PPP2R2D: variants seen among roughly 807,000 people sequenced by gnomAD.
PPP2R2D encodes protein phosphatase 2 regulatory subunit Bdelta.
A neutral mutation model predicts 31.1 loss-of-function variants in PPP2R2D; 9 were observed. The observed-to-expected ratio is 0.29, with a 90% CI of 0.17 to 0.51. The LOEUF (loss-of-function observed/expected upper bound fraction) is 0.51. PPP2R2D is among the 20% of genes least tolerant of loss of function. The pLI is 0.98. For synonymous variants in PPP2R2D, 179 were observed against 172.6 expected, an observed-to-expected ratio of 1.04 and a Z score of -0.29; for missense variants, 391 against 465.6, an observed-to-expected ratio of 0.84 and a Z score of 1.48.
At chr10:131,935,209 A>G (rs1489561420) in intron 3 of PPP2R2D, among the ~76,000 whole-genome samples, 4 of 152,226 alleles carry the variant, frequency 2.6e-5, no homozygotes, top group Non-Finnish European at 4.4e-5. Flanking sequence ...CCTAATGAGC[A>G]GTGATAAAGG....
Position 131,959,239 on chromosome 10 carries a change from C to G in PPP2R2D, c.*3276C>G, listed in dbSNP as rs2036882349. 2 of 164,998 alleles carry G rather than the reference C, an allele frequency of 1.2e-5. No homozygotes were observed. Among genetic ancestry groups the G allele is most frequent in the Non-Finnish European group, 1.2e-5 (1 of 83,248 alleles). 10.2% of individuals were successfully genotyped at this position (164,998 alleles called of 1,614,324 possible). A position where few individuals can be genotyped will look rare whatever the true frequency, so the allele number is the denominator to read the frequency against. On this transcript the variant is annotated 3_prime_UTR_variant, in exon 9 of 9. Transcript: ENST00000455566. ...TGGAGATGAAGGCGTGTGCTGATCCCCCGTCCCCCTGTGGAGATGAAGGCG... is the reference window on the plus strand; with the variant it reads ...TGGAGATGAAGGCGTGTGCTGATCCGCCGTCCCCCTGTGGAGATGAAGGCG...
chr10:131,924,846 G>C (rs568097507), intron 2 of PPP2R2D, among the ~76,000 whole-genome samples: 9 of 150,830 alleles, frequency 6.0e-5, no homozygotes, highest in Non-Finnish European at 1.2e-4. Context: ...ACAATATTTT[G>C]CAGTTTTCAA....
At chr10:131,935,335 C>T (rs2036319116) in intron 3 of PPP2R2D, among the ~76,000 whole-genome samples, 1 of 152,202 alleles carries the variant, frequency 6.6e-6, no homozygotes. Context: ...CAGTCCCTTG[C>T]CCTTCCTGTC....
chr10:131,946,438 G>A (rs769536678), intron 7 of PPP2R2D, among the ~76,000 whole-genome samples: 5 of 152,210 alleles, frequency 3.3e-5, no homozygotes, highest in East Asian at 3.9e-4. Flanking sequence ...CATGTGCAGC[G>A]GCGCCCCCAG....
rs73387234 is a variant in PPP2R2D, at chr10:131,916,033, G to C, written c.100+14703G>C. Among the ~76,000 whole-genome samples the C allele has an allele frequency of 3.1e-3, 469 of 152,280 alleles. 5 individuals are homozygous for C. The highest frequency in any genetic ancestry group is 0.011 in the African/African-American group (442 of 41,558). On this transcript the variant is annotated intron_variant, in intron 2 of 8. Coordinates refer to ENST00000455566, the MANE Select transcript of PPP2R2D (RefSeq NM_018461.5). Reference sequence around the variant, plus strand: ...AAGGTATCAGCATACGGCTTTCTGTGTACGCCCTAAAGTACTGATCACAGT... The same window carrying C: ...AAGGTATCAGCATACGGCTTTCTGTCTACGCCCTAAAGTACTGATCACAGT...
the PPP2R2D span, chr10:131,970,881 C>T: frequency 2.8e-5 from 45 of 1,614,120 alleles, no homozygotes; most frequent in East Asian, 4.5e-5. This position sits in a 1 kb window ranked among gnomAD's most constrained non-coding sequence, Gnocchi z 4.1. Context: ...GAATATTTTC[C>T]GGCCGACTTG....
the PPP2R2D span, chr10:131,970,535 A>T: frequency 6.9e-7 from 1 of 1,443,488 alleles, no homozygotes; most frequent in South Asian, 1.4e-5. This position sits in a 1 kb window ranked among gnomAD's most constrained non-coding sequence, Gnocchi z 4.1. Context: ...CCAAGCTGTA[A>T]CTGATGATCT....
At chr10:131,952,749 G>A (rs1322943488) in intron 8 of PPP2R2D, among the ~76,000 whole-genome samples, 4 of 110,546 alleles carry the variant, frequency 3.6e-5, no homozygotes, top group Non-Finnish European at 5.6e-5. Flanking sequence ...AGTGACTTGC[G>A]GGTGTGCGGG....
intron 2 of PPP2R2D, among the ~76,000 whole-genome samples, chr10:131,912,983 G>A (rs962354207): frequency 7.9e-5 from 12 of 152,124 alleles, no homozygotes; most frequent in Admixed American, 5.2e-4. Context: ...TTTTTCTGCT[G>A]AACTTAAAAA....
downstream of PPP2R2D, among the ~76,000 whole-genome samples, chr10:131,964,475 TC>T (rs1746422507): frequency 6.6e-6 from 1 of 151,786 alleles, no homozygotes; most frequent in African/African-American, 2.4e-5. Flanking sequence ...CATGCACAGC[TC>T]CGGCTCAAAC....
intron 2 of PPP2R2D, among the ~76,000 whole-genome samples, chr10:131,908,994 T>G (rs1188623177): frequency 6.6e-6 from 1 of 152,170 alleles, no homozygotes; most frequent in Non-Finnish European, 1.5e-5. Flanking sequence ...AGCAGGTGGG[T>G]CCTTGCACCA....
At chr10:131,960,192 AGTGCCCTCAACAGGCGCGGAGGAAGAC>A (rs1231588188), downstream of PPP2R2D, among the ~76,000 whole-genome samples, 9 of 152,230 alleles carry the variant, frequency 5.9e-5, 1 homozygote, top group Admixed American at 3.9e-4. Context: ...ACTTTAGAGA[AGTGCCCTCAACAGGCGCGGAGGAAGAC>A]GTGCCCTCAA....
In PPP2R2D at chr10:131,945,703, G is replaced by T. The variant is rs536952930; in HGVS notation, c.820+244G>T. 44 of 460,524 alleles carry T rather than the reference G, an allele frequency of 9.6e-5. No homozygotes were observed. Among genetic ancestry groups the T allele is most frequent in the East Asian group, 1.5e-4 (4 of 26,314 alleles). 28.5% of individuals were successfully genotyped at this position (460,524 alleles called of 1,614,324 possible). A position where few individuals can be genotyped will look rare whatever the true frequency, so the allele number is the denominator to read the frequency against. ...TGACCTCAGGTGATCCCCCTACCTCGGCCTCCCAAAGTGCTGGGATTACAG... is the reference window on the plus strand; with the variant it reads ...TGACCTCAGGTGATCCCCCTACCTCTGCCTCCCAAAGTGCTGGGATTACAG... On this transcript the variant is annotated intron_variant, in intron 7 of 8. Transcript: ENST00000455566. The surrounding 1 kb of genome is among the most constrained non-coding windows in gnomAD (Gnocchi z 4.8).
At chr10:131,938,098 C>G (rs1307742858) in intron 3 of PPP2R2D, among the ~76,000 whole-genome samples, 1 of 151,912 alleles carries the variant, frequency 6.6e-6, no homozygotes, top group Admixed American at 6.6e-5. Flanking sequence ...GCGGGGCAGG[C>G]GAGGCGCTCA....
At chr10:131,960,925 C>G (rs2036912456), downstream of PPP2R2D, among the ~76,000 whole-genome samples, 1 of 152,190 alleles carries the variant, frequency 6.6e-6, no homozygotes, top group African/African-American at 2.4e-5. Context: ...GAGGGCGTGG[C>G]TCTGCTCGTC....
At chr10:131,941,184 A>G (rs1199149149) in intron 5 of PPP2R2D, among the ~76,000 whole-genome samples, 4 of 152,230 alleles carry the variant, frequency 2.6e-5, no homozygotes, top group East Asian at 1.9e-4. Context: ...CTGTCCATCC[A>G]TGAGCATCAT....
chr10:131,927,353 A>G (rs1315299181), intron 2 of PPP2R2D, among the ~76,000 whole-genome samples: 1 of 152,106 alleles, frequency 6.6e-6, no homozygotes, highest in African/African-American at 2.4e-5. Context: ...GCTGTCAGGG[A>G]TTGCAAGTTT....
At chr10:131,942,656 C>CA (rs2036462085) in intron 5 of PPP2R2D, among the ~76,000 whole-genome samples, 1 of 152,118 alleles carries the variant, frequency 6.6e-6, no homozygotes, top group African/African-American at 2.4e-5. Flanking sequence ...CACTTGAGCC[C>CA]AGGAGTTCAA....
At chr10:131,904,842 A>G (rs1378263832) in intron 2 of PPP2R2D, among the ~76,000 whole-genome samples, 2 of 152,212 alleles carry the variant, frequency 1.3e-5, no homozygotes, top group East Asian at 3.9e-4. Flanking sequence ...TTTGGAGGTC[A>G]TGAAGTGAGT....
Sources: allele counts gnomAD v4.1 joint callset (sites outside exome capture counted in the v4.1 genomes callset), GRCh38; gene constraint gnomAD v4.1.1; non-coding constraint Gnocchi (gnomAD v3.1); transcripts MANE v1.5; gene names NCBI Gene and HGNC (gene_info 2026-07-23, HGNC 2026-07-21).